The following DEPTOR variants were observed in gnomAD, a reference collection of about 807,000 sequenced individuals.
The protein encoded by DEPTOR is DEP domain containing MTOR interacting protein, also known as DEP domain-containing mTOR-interacting protein.
A neutral mutation model predicts 41.6 loss-of-function variants in DEPTOR; 41 were observed. That is an observed-to-expected ratio of 0.98 (90% CI 0.77 to 1.28). The LOEUF is 1.28. DEPTOR is among the 50% of genes most tolerant of loss of function. The probability of loss-of-function intolerance (pLI) is 0.00; values close to 1 mark genes in which losing one functional copy is unlikely to be tolerated. For synonymous variants in DEPTOR, 195 were observed against 192.3 expected, an observed-to-expected ratio of 1.01 and a Z score of -0.12; for missense variants, 514 against 527.9, an observed-to-expected ratio of 0.97 and a Z score of 0.26.
intron 3 of DEPTOR, among the ~76,000 whole-genome samples, chr8:119,942,318 G>C (rs1213270027): frequency 1.3e-5 from 2 of 152,174 alleles, no homozygotes; most frequent in Non-Finnish European, 2.9e-5. Context: ...CAATTCTCCT[G>C]TCTCAACCTT....
intron 3 of DEPTOR, among the ~76,000 whole-genome samples, chr8:119,938,055 C>G (rs961819817): frequency 6.6e-6 from 1 of 152,176 alleles, no homozygotes; most frequent in African/African-American, 2.4e-5. Context: ...TAGTCTGGAA[C>G]AAAAGCTGTC....
chr8:120,037,467 G>A (rs532130751), intron 8 of DEPTOR, among the ~76,000 whole-genome samples: 1 of 152,306 alleles, frequency 6.6e-6, no homozygotes, highest in South Asian at 2.1e-4. Context: ...TCAGTTAAAG[G>A]CAGAGATTAG....
intron 3 of DEPTOR, among the ~76,000 whole-genome samples, chr8:119,939,374 C>T (rs953621133): frequency 2.6e-5 from 4 of 152,196 alleles, no homozygotes; most frequent in African/African-American, 9.7e-5. Flanking sequence ...AGTAGAACAA[C>T]TAGTCAGTGT....
intron 3 of DEPTOR, among the ~76,000 whole-genome samples, chr8:119,959,804 C>T (rs907481736): frequency 6.6e-6 from 1 of 152,106 alleles, no homozygotes; most frequent in Admixed American, 6.5e-5. Flanking sequence ...GCTGGGATTA[C>T]AGGTGTGAGC....
At chr8:120,009,575 T>C (rs1812500535) in intron 8 of DEPTOR, among the ~76,000 whole-genome samples, 1 of 152,102 alleles carries the variant, frequency 6.6e-6, no homozygotes. Context: ...ATCGCACCAC[T>C]GCACTCCAGC....
chr8:120,043,093 T>C (rs994934477), intron 8 of DEPTOR, among the ~76,000 whole-genome samples: 5 of 150,528 alleles, frequency 3.3e-5, no homozygotes, highest in African/African-American at 4.9e-5. Flanking sequence ...TTTTTTAAAA[T>C]TTTTTATTTA....
At chr8:119,930,250 A>G (rs1828024867) in intron 3 of DEPTOR, among the ~76,000 whole-genome samples, 1 of 151,720 alleles carries the variant, frequency 6.6e-6, no homozygotes, top group Non-Finnish European at 1.5e-5. Flanking sequence ...TTTATTTTTT[A>G]TTTTTTGGCA....
At chr8:119,954,845 G>GGTGTGT (rs10649943) in intron 3 of DEPTOR, among the ~76,000 whole-genome samples, 2,100 of 148,032 alleles carry the variant, frequency 0.014, 23 homozygotes, top group Admixed American at 0.016. Context: ...GGCAAATATT[G>GGTGTGT]GTGTGTGTGT....
Position 120,001,593 on chromosome 8 carries a change from C to T in DEPTOR, c.673C>T (p.Arg225Ter), listed in dbSNP as rs761438970. ...YQFRMNFRRR[R>*]RLMELLNEKS... ...GTTCAGAATGAACTTCCGGCGGAGG[C>T]GAAGACTGATGGAGCTGCTCAATGA... is the stretch of plus-strand genomic sequence containing the variant. The change falls in exon 5 of 9, where the codon CGA becomes TGA. Residue 225 changes from arginine to a stop codon, truncating the protein, a stop_gained. Coordinates refer to ENST00000286234, the MANE Select transcript of DEPTOR (RefSeq NM_022783.4). LOFTEE classifies it high-confidence loss of function. The T allele has an allele frequency of 1.4e-5, 22 of 1,613,650 alleles. No individual in the cohort carries two copies. Among genetic ancestry groups the T allele is most frequent in the Non-Finnish European group, 1.7e-5 (20 of 1,179,944 alleles).
chr8:119,880,105 G>A (rs1586595177), intron 1 of DEPTOR, among the ~76,000 whole-genome samples: 3 of 148,236 alleles, frequency 2.0e-5, no homozygotes, highest in Admixed American at 6.7e-5. Flanking sequence ...TTGCGCCACT[G>A]CACTCCAGCC....
intron 8 of DEPTOR, among the ~76,000 whole-genome samples, chr8:120,043,940 T>G (rs28530768): frequency 0.44 from 66,741 of 151,232 alleles, 15,646 homozygotes; most frequent in African/African-American, 0.6. Context: ...TGAACCCGGG[T>G]GTAGGAAGTT....
intron 1 of DEPTOR, among the ~76,000 whole-genome samples, chr8:119,924,789 A>C (rs1827943433): frequency 6.6e-6 from 1 of 152,048 alleles, no homozygotes. Context: ...TTGTTACATG[A>C]ATAAACTGCA....
At chr8:119,970,972 C>T (rs7840487) in intron 4 of DEPTOR, among the ~76,000 whole-genome samples, 143,185 of 152,254 alleles carry the variant, frequency 0.94, 67,388 homozygotes, top group East Asian at 1. Context: ...GGCTCACACC[C>T]GTAATCCCAG....
intron 8 of DEPTOR, among the ~76,000 whole-genome samples, chr8:120,033,180 C>T (rs961101782): frequency 3.3e-5 from 5 of 149,854 alleles, no homozygotes; most frequent in African/African-American, 4.9e-5. Context: ...CTCTGCCTCC[C>T]GGGTTCAAGC....
intron 1 of DEPTOR, among the ~76,000 whole-genome samples, chr8:119,884,544 GA>G (rs1221218281): frequency 3.5e-5 from 5 of 144,532 alleles, no homozygotes; most frequent in South Asian, 2.2e-4. Flanking sequence ...AATTTGCAAA[GA>G]AAAAAAATAC....
intron 3 of DEPTOR, among the ~76,000 whole-genome samples, chr8:119,946,022 G>A (rs992971514): frequency 6.6e-6 from 1 of 152,048 alleles, no homozygotes; most frequent in Non-Finnish European, 1.5e-5. Context: ...TCGGTTGGTC[G>A]GGCGCTTTGT....
At chr8:119,914,562 C>G (rs532980131) in intron 1 of DEPTOR, among the ~76,000 whole-genome samples, 2 of 152,212 alleles carry the variant, frequency 1.3e-5, no homozygotes, top group South Asian at 4.1e-4. Context: ...GCCTCAGCCT[C>G]CCTAGTAGCT....
In DEPTOR at chr8:119,953,965, C is replaced by T. The variant is rs141610092; in HGVS notation, c.426-11267C>T. Among the ~76,000 whole-genome samples, 1,184 of 151,838 alleles carry T rather than the reference C, an allele frequency of 7.8e-3. 7 individuals carry two copies. The highest frequency in any genetic ancestry group is 0.012 in the Non-Finnish European group (830 of 67,950). ...GATTACAGGTGCCCACCACCACGCC[C>T]GGCTAATTTTTTGTATTTTTAGTAG... is the stretch of plus-strand genomic sequence containing the variant. On this transcript the variant is annotated intron_variant, in intron 3 of 8. Coordinates refer to ENST00000286234, the MANE Select transcript of DEPTOR (RefSeq NM_022783.4).
chr8:119,984,709 A>G (rs937660819), intron 4 of DEPTOR, among the ~76,000 whole-genome samples: 10 of 152,200 alleles, frequency 6.6e-5, no homozygotes, highest in African/African-American at 2.2e-4. Context: ...TGCTATTGTG[A>G]ATAGTGCTGC....
Sources: allele counts gnomAD v4.1 joint callset (sites outside exome capture counted in the v4.1 genomes callset), GRCh38; gene constraint gnomAD v4.1.1; transcripts MANE v1.5; gene names NCBI Gene and HGNC (gene_info 2026-07-23, HGNC 2026-07-21).